Variants in SPAG16 observed in about 807,000 individuals in gnomAD.
The protein encoded by SPAG16 is sperm associated antigen 16.
A neutral mutation model predicts 80.4 loss-of-function variants in SPAG16; 86 were observed. That is an observed-to-expected ratio of 1.07 (90% CI 0.90 to 1.28). The LOEUF (loss-of-function observed/expected upper bound fraction) is 1.28. Ranked by LOEUF, SPAG16 falls within the 50% of genes most tolerant of loss-of-function variation. SPAG16 has a pLI of 0.00. For missense variants in SPAG16, 870 were observed against 765.3 expected, an observed-to-expected ratio of 1.14 and a Z score of -1.61; for synonymous variants, 294 against 265.9, an observed-to-expected ratio of 1.11 and a Z score of -1.03.
intron 15 of SPAG16, among the ~76,000 whole-genome samples, chr2:214,349,555 C>T (rs1406713734): frequency 1.3e-5 from 2 of 152,172 alleles, no homozygotes; most frequent in Admixed American, 1.3e-4. Flanking sequence ...TTGCCAAATA[C>T]TTTCTGTTAG....
intron 15 of SPAG16, among the ~76,000 whole-genome samples, chr2:214,201,899 G>T (rs758532134): frequency 2.6e-5 from 4 of 151,740 alleles, no homozygotes; most frequent in African/African-American, 9.7e-5. Flanking sequence ...AGGCCAAAGT[G>T]CAGTGGCACA....
chr2:213,627,022 T>C (rs894150257), intron 10 of SPAG16, among the ~76,000 whole-genome samples: 1 of 152,156 alleles, frequency 6.6e-6, no homozygotes, highest in African/African-American at 2.4e-5. Context: ...GTATTCCAAC[T>C]CCTATCTTTG....
At chr2:214,026,397 A>C (rs1450868857) in intron 13 of SPAG16, among the ~76,000 whole-genome samples, 4 of 151,586 alleles carry the variant, frequency 2.6e-5, no homozygotes, top group Non-Finnish European at 5.9e-5. Flanking sequence ...TTAAAAGTGC[A>C]AATTAACAAT....
intron 10 of SPAG16, among the ~76,000 whole-genome samples, chr2:213,580,939 G>A (rs989224162): frequency 2.0e-5 from 3 of 151,760 alleles, no homozygotes; most frequent in Non-Finnish European, 4.4e-5. Flanking sequence ...TTAGACTTTT[G>A]TAATTAAGTA....
chr2:214,303,701 C>A (rs1334512641), intron 15 of SPAG16, among the ~76,000 whole-genome samples: 2 of 152,142 alleles, frequency 1.3e-5, no homozygotes, highest in African/African-American at 4.8e-5. Context: ...TAAGTTTGCC[C>A]ATCAAATATG....
At chr2:214,248,729 A>G (rs1278728968) in intron 15 of SPAG16, among the ~76,000 whole-genome samples, 1 of 152,194 alleles carries the variant, frequency 6.6e-6, no homozygotes, top group Non-Finnish European at 1.5e-5. Flanking sequence ...AAATGAACAA[A>G]TAAGTATATA....
At position 214,400,765 on chromosome 2, in the gene SPAG16, A is replaced by G. The variant is rs138096792; in HGVS notation, c.1721-9375A>G. The stretch of plus-strand genomic sequence containing the variant: ...TCCATGTGTTTGATGTCCATTCAAT[A>G]TTTTATGTTTTCTAAGTAAGGTAAA... On this transcript the variant is annotated intron_variant, in intron 15 of 15. Coordinates refer to ENST00000331683, the MANE Select transcript of SPAG16 (RefSeq NM_024532.5). 1.4e-3 allele frequency among the ~76,000 whole-genome samples: 206 copies of G among 152,192 alleles called. 1 individual carries two copies. Among genetic ancestry groups the G allele is most frequent in the African/African-American group, 4.8e-3 (200 of 41,564 alleles).
intron 9 of SPAG16, among the ~76,000 whole-genome samples, chr2:213,381,933 T>C (rs1428869928): frequency 6.6e-6 from 1 of 152,236 alleles, no homozygotes; most frequent in Non-Finnish European, 1.5e-5. Flanking sequence ...CTGAAGGCTT[T>C]TCATTCATCA....
intron 15 of SPAG16, among the ~76,000 whole-genome samples, chr2:214,364,068 A>G (rs1184590298): frequency 1.3e-5 from 2 of 152,066 alleles, no homozygotes; most frequent in Non-Finnish European, 2.9e-5. Context: ...CCTTCTAATC[A>G]AGAAACCCAA....
At position 214,011,298 on chromosome 2, in the gene SPAG16, G is replaced by A. The variant is rs192707783; in HGVS notation, c.1401-2653G>A. On this transcript the variant is annotated intron_variant, in intron 12 of 15. Transcript: ENST00000331683. ...TTTTTAGATTCATTAAAAATAGCAG[G>A]TAAAATTTGTACATAAAACAGTAAT... 2.4e-3 allele frequency among the ~76,000 whole-genome samples: 351 copies of A among 145,864 alleles called. 56 individuals carry two copies. Among genetic ancestry groups the A allele is most frequent in the African/African-American group, 9.2e-3 (341 of 37,174 alleles).
At chr2:214,293,878 G>A (rs1693962947) in intron 15 of SPAG16, among the ~76,000 whole-genome samples, 1 of 152,190 alleles carries the variant, frequency 6.6e-6, no homozygotes, top group African/African-American at 2.4e-5. Context: ...GGAAGGTGGG[G>A]CCACTCTCAA....
chr2:213,427,259 T>C (rs977700362), intron 9 of SPAG16, among the ~76,000 whole-genome samples: 1 of 152,192 alleles, frequency 6.6e-6, no homozygotes, highest in Non-Finnish European at 1.5e-5. Context: ...AAGCTAACTT[T>C]AACTTTCTCC....
intron 13 of SPAG16, among the ~76,000 whole-genome samples, chr2:214,072,866 G>C (rs1203135918): frequency 6.6e-6 from 1 of 152,054 alleles, no homozygotes; most frequent in Non-Finnish European, 1.5e-5. Flanking sequence ...ACCCAACTTG[G>C]ATTTAGTTTC....
At chr2:213,890,725 C>A (rs1477896107) in intron 11 of SPAG16, among the ~76,000 whole-genome samples, 1 of 151,914 alleles carries the variant, frequency 6.6e-6, no homozygotes, top group East Asian at 1.9e-4. Flanking sequence ...AGTTTTCTTG[C>A]ATAATTATAT....
intron 9 of SPAG16, among the ~76,000 whole-genome samples, chr2:213,412,186 A>G: frequency 6.6e-6 from 1 of 152,042 alleles, no homozygotes; most frequent in East Asian, 1.9e-4. Flanking sequence ...CATTCCAATT[A>G]CCTGCTATCT....
At chr2:213,780,949 A>G (rs1199601918) in intron 10 of SPAG16, among the ~76,000 whole-genome samples, 1 of 152,162 alleles carries the variant, frequency 6.6e-6, no homozygotes, top group Non-Finnish European at 1.5e-5. Context: ...ACATGATACT[A>G]TTGGTAGTCC....
intron 15 of SPAG16, among the ~76,000 whole-genome samples, chr2:214,149,685 T>C (rs1246522375): frequency 2.0e-5 from 3 of 152,136 alleles, no homozygotes; most frequent in Non-Finnish European, 4.4e-5. Flanking sequence ...GTTAAAAATT[T>C]AATGAATTAC....
chr2:214,113,719 C>T (rs2053790765), intron 14 of SPAG16, among the ~76,000 whole-genome samples: 1 of 152,164 alleles, frequency 6.6e-6, no homozygotes, highest in Admixed American at 6.5e-5. Flanking sequence ...GTTAGCCATT[C>T]ATCTAATCTT....
At chr2:214,135,757 C>A (rs1001365288) in intron 14 of SPAG16, among the ~76,000 whole-genome samples, 3 of 151,354 alleles carry the variant, frequency 2.0e-5, no homozygotes, top group East Asian at 2.0e-4. Context: ...CTCACTCTTG[C>A]TTTTCTCTCT....
Sources: allele counts gnomAD v4.1 joint callset (sites outside exome capture counted in the v4.1 genomes callset), GRCh38; gene constraint gnomAD v4.1.1; transcripts MANE v1.5; gene names NCBI Gene and HGNC (gene_info 2026-07-23, HGNC 2026-07-21).